Variants in SH3GL2 observed in about 807,000 individuals in gnomAD.
The protein encoded by SH3GL2 is endophilin-A1.
A neutral mutation model predicts 46.0 loss-of-function variants in SH3GL2; 24 were observed. The observed-to-expected ratio is 0.52, with a 90% confidence interval of 0.38 to 0.73. The LOEUF is 0.73. Ranked by LOEUF, SH3GL2 falls within the 30% of genes least tolerant of loss-of-function variation. The pLI, the probability that SH3GL2 is intolerant of heterozygous loss-of-function variation, is 0.00. For missense variants in SH3GL2, 413 were observed against 424.2 expected (o/e 0.97, Z 0.23); for synonymous variants, 196 against 147.1 (o/e 1.33, Z -2.40).
At chr9:17,775,643 C>T (rs990610803) in intron 3 of SH3GL2, among the ~76,000 whole-genome samples, 1 of 152,154 alleles carries the variant, frequency 6.6e-6, no homozygotes, top group African/African-American at 2.4e-5. Context: ...GATCTCTGCT[C>T]CTTTGGGTAA....
chr9:17,699,563 C>T (rs1300062158), intron 1 of SH3GL2, among the ~76,000 whole-genome samples: 1 of 152,198 alleles, frequency 6.6e-6, no homozygotes, highest in East Asian at 1.9e-4. Flanking sequence ...CAATCTCCTG[C>T]TGCCATCCCT....
chr9:17,598,571 A>T (rs909316763), intron 1 of SH3GL2, among the ~76,000 whole-genome samples: 1 of 152,164 alleles, frequency 6.6e-6, no homozygotes, highest in Non-Finnish European at 1.5e-5. Flanking sequence ...ACTTCATGTC[A>T]TCTGGGAGCT....
chr9:17,785,113 A>G (rs1222599736), intron 3 of SH3GL2, among the ~76,000 whole-genome samples: 2 of 152,154 alleles, frequency 1.3e-5, no homozygotes, highest in African/African-American at 4.8e-5. Flanking sequence ...CAGCCTTTAC[A>G]TGTGCTGTTA....
intron 1 of SH3GL2, among the ~76,000 whole-genome samples, chr9:17,673,372 C>T (rs933599099): frequency 5.3e-5 from 8 of 150,638 alleles, no homozygotes; most frequent in African/African-American, 2.0e-4. Flanking sequence ...GAGGCTGGTC[C>T]CGAATGCAGG....
intron 1 of SH3GL2, among the ~76,000 whole-genome samples, 176 bp downstream of exon 1, chr9:17,579,463 C>T (rs1818232985): frequency 6.6e-6 from 1 of 151,892 alleles, no homozygotes; most frequent in Non-Finnish European, 1.5e-5. Context: ...GTCTGGGCGT[C>T]CACCCTCGGT....
At chr9:17,618,272 A>G (rs1819052532) in intron 1 of SH3GL2, among the ~76,000 whole-genome samples, 1 of 151,816 alleles carries the variant, frequency 6.6e-6, no homozygotes, top group African/African-American at 2.4e-5. Context: ...ACAAAAAAAT[A>G]CCTCAGTAAA....
Position 17,761,526 on chromosome 9 carries a change from T to C in SH3GL2, c.187+17T>C, listed in dbSNP as rs1823174203. The C allele has an allele frequency of 1.4e-6, 2 of 1,446,462 alleles. No individual in the cohort carries two copies. The highest frequency in any genetic ancestry group is 2.3e-5 in the East Asian group (1 of 44,096). The allele number at this position is 1,446,462 out of a possible 1,614,324, so 89.6% of individuals were successfully genotyped here. On this transcript the variant is annotated intron_variant, in intron 3 of 8. Coordinates refer to ENST00000380607, the MANE Select transcript of SH3GL2 (RefSeq NM_003026.5). ...CCAATCCAGGTAAGGCATCATCTTA[T>C]ATGTTTAAAGGATCCCTCGAGGTAA...
At chr9:17,685,929 A>C (rs1331746032) in intron 1 of SH3GL2, among the ~76,000 whole-genome samples, 1 of 151,312 alleles carries the variant, frequency 6.6e-6, no homozygotes, top group Non-Finnish European at 1.5e-5. Context: ...AACAAAAGAC[A>C]AAATTGACAA....
At chr9:17,709,714 C>T (rs1025782980) in intron 1 of SH3GL2, among the ~76,000 whole-genome samples, 11 of 146,064 alleles carry the variant, frequency 7.5e-5, no homozygotes, top group African/African-American at 2.7e-4. Flanking sequence ...CACACACACA[C>T]GTTTAACCTG....
chr9:17,693,350 G>A (rs16935887), intron 1 of SH3GL2, among the ~76,000 whole-genome samples: 7,682 of 152,120 alleles, frequency 0.05, 638 homozygotes, highest in African/African-American at 0.17. Flanking sequence ...AGGCTTAATG[G>A]ATGCTCTTTT....
At chr9:17,789,590 G>T in intron 6 of SH3GL2, 40 bp downstream of exon 6, 1 of 1,609,200 alleles carries the variant, frequency 6.2e-7, no homozygotes, top group Non-Finnish European at 8.5e-7. Flanking sequence ...TCTTATCATC[G>T]AGGCACAACA....
chr9:17,747,129 G>C lies in SH3GL2; in HGVS notation c.109G>C (p.Glu37Gln). The change falls in exon 2 of 9, where the codon GAA (glutamate) becomes CAA (glutamine). Residue 37 changes from glutamate (E) to glutamine (Q), a missense_variant. Transcript: ENST00000380607. ...TKLDDDFKEM[E>Q]RKVDVTSRAV... Reference sequence around the variant, plus strand: ...GCTAGATGATGACTTCAAAGAGATGGAAAGGGTAAGCCTTCACTACTGCCT... The same window carrying C: ...GCTAGATGATGACTTCAAAGAGATGCAAAGGGTAAGCCTTCACTACTGCCT... 6 of 1,600,294 alleles carry C rather than the reference G, an allele frequency of 3.7e-6. No individual in the cohort carries two copies. The highest frequency in any genetic ancestry group is 5.1e-6 in the Non-Finnish European group (6 of 1,167,782).
intron 1 of SH3GL2, among the ~76,000 whole-genome samples, chr9:17,722,912 A>G (rs1426630702): frequency 1.3e-5 from 2 of 152,124 alleles, no homozygotes; most frequent in South Asian, 2.1e-4. Context: ...GTGTCAGCTC[A>G]TTATCTCAGC....
intron 1 of SH3GL2, among the ~76,000 whole-genome samples, chr9:17,640,071 G>T (rs1819638299): frequency 6.6e-6 from 1 of 152,080 alleles, no homozygotes; most frequent in African/African-American, 2.4e-5. Flanking sequence ...TTATAAGGTT[G>T]TGTGCAATTA....
At chr9:17,755,526 T>A (rs752269081) in intron 2 of SH3GL2, among the ~76,000 whole-genome samples, 26 of 152,176 alleles carry the variant, frequency 1.7e-4, no homozygotes, top group Non-Finnish European at 3.5e-4. Context: ...AGTCTTGAAC[T>A]CCTGGCCTTA....
chr9:17,758,214 TC>T (rs1339507195), intron 2 of SH3GL2, among the ~76,000 whole-genome samples: 1 of 152,070 alleles, frequency 6.6e-6, no homozygotes, highest in Non-Finnish European at 1.5e-5. Context: ...AACAGAATGC[TC>T]CCCTGGTCTC....
Position 17,661,312 on chromosome 9 carries a change from T to G in SH3GL2, c.45+82025T>G, listed in dbSNP as rs1820207490. On this transcript the variant is annotated intron_variant, in intron 1 of 8. Transcript: ENST00000380607. Reference sequence around the variant, plus strand: ...AGGGATATCAATATAGGAGCTATTGTGAAGCTGGGTGTGACAGTCATATGA... The same window carrying G: ...AGGGATATCAATATAGGAGCTATTGGGAAGCTGGGTGTGACAGTCATATGA... 2.6e-5 allele frequency among the ~76,000 whole-genome samples: 4 copies of G among 152,146 alleles called. No individual in the cohort carries two copies. The South Asian group carries it at 8.3e-4, about 31-fold the overall frequency.
intron 1 of SH3GL2, among the ~76,000 whole-genome samples, chr9:17,638,335 C>T (rs1384063053): frequency 6.6e-6 from 1 of 152,140 alleles, no homozygotes; most frequent in Non-Finnish European, 1.5e-5. Flanking sequence ...TGGGTTCCTG[C>T]TGTATTCCAG....
intron 1 of SH3GL2, among the ~76,000 whole-genome samples, chr9:17,698,039 T>A (rs898861952): frequency 6.6e-6 from 1 of 152,232 alleles, no homozygotes; most frequent in Non-Finnish European, 1.5e-5. Flanking sequence ...GCTAGTCTTT[T>A]AGGATTTTGG....
Sources: allele counts gnomAD v4.1 joint callset (sites outside exome capture counted in the v4.1 genomes callset), GRCh38; gene constraint gnomAD v4.1.1; transcripts MANE v1.5; gene names NCBI Gene and HGNC (gene_info 2026-07-23, HGNC 2026-07-21).